The following PLEKHA4 variants were observed in gnomAD, a reference collection of about 807,000 sequenced individuals.
PLEKHA4 encodes pleckstrin homology domain-containing family A member 4.
In PLEKHA4, 73 loss-of-function variants were observed where a neutral mutation model predicts 94.7. The ratio of observed to expected loss-of-function variants is 0.77; its 90% CI spans 0.64 to 0.94. PLEKHA4 has a LOEUF of 0.94. Ranked by LOEUF, PLEKHA4 falls within the 40% of genes least tolerant of loss-of-function variation. The probability of loss-of-function intolerance (pLI) is 0.00; values close to 1 mark genes in which losing one functional copy is unlikely to be tolerated. For synonymous variants in PLEKHA4, 449 were observed against 437.1 expected (o/e 1.03, Z -0.34); for missense variants, 1,049 against 1,054.1 (o/e 1.00, Z 0.07).
At chr19:48,842,281 T>C (rs1222264385) in intron 16 of PLEKHA4, among the ~76,000 whole-genome samples, 1 of 152,066 alleles carries the variant, frequency 6.6e-6, no homozygotes, top group South Asian at 2.1e-4. Context: ...GTAGCTGGGA[T>C]TGAGTAGGTG....
intron 2 of PLEKHA4, among the ~76,000 whole-genome samples, chr19:48,866,803 G>A (rs1371699493): frequency 1.3e-5 from 2 of 152,158 alleles, no homozygotes; most frequent in Non-Finnish European, 1.5e-5. Flanking sequence ...GAACTCTCAC[G>A]CTGAGTCTCC....
chr19:48,861,795 G>A (rs574626014), intron 3 of PLEKHA4, 103 bp from the exon 4 acceptor site: 30 of 1,038,362 alleles, frequency 2.9e-5, no homozygotes, highest in Non-Finnish European at 4.3e-5. Context: ...AAAGAAACTT[G>A]GAGAGAGGAG....
chr19:48,837,307 CAG>C lies in PLEKHA4; in HGVS notation c.2320_2321del (p.Leu774AlafsTer68), dbSNP rs1191702482. On this transcript the variant is annotated frameshift_variant, in exon 20 of 20. Transcript: ENST00000263265. LOFTEE classifies it high-confidence loss of function. This position sits in a 1 kb window ranked among gnomAD's most constrained non-coding sequence, Gnocchi z 4.3. ...DEGAWPLRVT[L>X]LQSSF ...GGGCGGATTAGAAGCTGGATTGTAG[CAG>C]AGTGACTCGCAGAGGCCATGCCCCC... The C allele has an allele frequency of 3.7e-6, 6 of 1,613,874 alleles. No homozygotes were observed. The highest frequency in any genetic ancestry group is 5.1e-6 in the Non-Finnish European group (6 of 1,180,024).
chr19:48,837,492 G>T lies in PLEKHA4; in HGVS notation c.2137C>A (p.Pro713Thr), dbSNP rs747455662. The change falls in exon 20 of 20, where the codon CCC (proline) becomes ACC (threonine). Residue 713 changes from proline to threonine, a missense_variant. Transcript: ENST00000263265. The surrounding 1 kb of genome is among the most constrained non-coding windows in gnomAD (Gnocchi z 4.3). ...LPGVPLPPSD[P>T]TRQETPPPRS... is the part of the protein sequence containing the mutation. ...GGGGGAGGGGTCTCCTGGCGCGTGG[G>T]GTCCGAAGGAGGCAGCGGCACACCG... 6 of 1,612,870 alleles carry T rather than the reference G, an allele frequency of 3.7e-6. No homozygotes were observed. Among genetic ancestry groups the T allele is most frequent in the South Asian group, 2.2e-5 (2 of 91,044 alleles).
In PLEKHA4 at chr19:48,867,587, G is replaced by T; in HGVS notation, c.34C>A (p.Leu12Met). ...EGSRPRSSLS[L>M]ASSASTISSL... ...GAGATGGTGGAGGCGCTGCTGGCCA[G>T]GCTCAGGCTGCTGCGAGGTCGGCTC... The change falls in exon 2 of 20, where the codon CTG becomes ATG. Residue 12 changes from leucine to methionine, a missense_variant. Transcript: ENST00000263265. The surrounding 1 kb of genome is among the most constrained non-coding windows in gnomAD (Gnocchi z 4.7). 2 of 1,602,590 alleles carry T rather than the reference G, an allele frequency of 1.2e-6. No homozygotes were observed. The highest frequency in any genetic ancestry group is 8.5e-7 in the Non-Finnish European group (1 of 1,176,568).
chr19:48,843,833 T>C (rs1039971557), intron 16 of PLEKHA4, among the ~76,000 whole-genome samples: 5 of 151,728 alleles, frequency 3.3e-5, no homozygotes, highest in Admixed American at 1.3e-4. Flanking sequence ...AATTTTTGTA[T>C]TTTTAGTAGA....
Position 48,858,654 on chromosome 19 carries a change from G to A in PLEKHA4, c.972+206C>T, listed in dbSNP as rs931898349. 4.7e-5 allele frequency among the ~76,000 whole-genome samples: 5 copies of A among 107,042 alleles called. No homozygotes were observed. The East Asian group carries it at 8.8e-4, about 19-fold the overall frequency. 70.2% of individuals were successfully genotyped at this position (107,042 alleles called of 152,430 possible). Reference sequence around the variant, plus strand: ...AAAAAAAAAAAAAAAAGCAATGGCCGAAGACCAGCCTAGAAAGACAGCCCA... The same window carrying A: ...AAAAAAAAAAAAAAAAGCAATGGCCAAAGACCAGCCTAGAAAGACAGCCCA... On this transcript the variant is annotated intron_variant, in intron 8 of 19. Coordinates refer to ENST00000263265, the MANE Select transcript of PLEKHA4 (RefSeq NM_020904.3).
Position 48,867,134 on chromosome 19 carries a change from T to C in PLEKHA4, c.84+403A>G, listed in dbSNP as rs1255585037. On this transcript the variant is annotated intron_variant, in intron 2 of 19. Transcript: ENST00000263265. This position sits in a 1 kb window ranked among gnomAD's most constrained non-coding sequence, Gnocchi z 4.7. The stretch of plus-strand genomic sequence containing the variant: ...TGGGATGCAAGTATCTGGAGGCCCC[T>C]TGGGTCTTATTGTCAGAGAAGGGTC... Among the ~76,000 whole-genome samples the C allele has an allele frequency of 6.6e-6, 1 of 152,144 alleles. No homozygotes were observed. The highest frequency in any genetic ancestry group is 6.6e-5 in the Admixed American group (1 of 15,266).
At chr19:48,865,460 G>T in intron 3 of PLEKHA4, 43 bp downstream of exon 3, 1 of 1,484,860 alleles carries the variant, frequency 6.7e-7, no homozygotes, top group Non-Finnish European at 9.4e-7. Context: ...GGACAGCCGG[G>T]GCACAGACTT....
In PLEKHA4 at chr19:48,865,604, T is replaced by C; in HGVS notation, c.91A>G (p.Thr31Ala). 6.2e-7 allele frequency: 1 copy of C among 1,612,200 alleles called. No homozygotes were observed. The highest frequency in any genetic ancestry group is 8.5e-7 in the Non-Finnish European group (1 of 1,178,574). ...SLSSLSPKKPTRAVNKIHAFG... is the reference protein window; with the variant it reads ...SLSSLSPKKPARAVNKIHAFG... The stretch of plus-strand genomic sequence containing the variant: ...GCGTGGATCTTGTTTACTGCCCGGG[T>C]GGGCTTCTGAGGAGAGAAGGGGACA... Residue 31 changes from threonine to alanine, a missense_variant, in exon 3 of 20, where the codon ACC becomes GCC. By Grantham distance (58) the Thr-to-Ala change is moderately conservative. Transcript: ENST00000263265.
intron 18 of PLEKHA4, among the ~76,000 whole-genome samples, chr19:48,838,841 G>A (rs1029498205): frequency 6.6e-6 from 1 of 151,598 alleles, no homozygotes; most frequent in Non-Finnish European, 1.5e-5. Flanking sequence ...CCCGGGTACC[G>A]CACGTGCCTT....
chr19:48,856,949 G>GAA (rs2036443831), intron 9 of PLEKHA4, among the ~76,000 whole-genome samples: 1 of 141,044 alleles, frequency 7.1e-6, no homozygotes, highest in Non-Finnish European at 1.5e-5. Context: ...GAAAAAGAAA[G>GAA]AGAAAGAAAG....
chr19:48,856,704 C>T (rs879308429), intron 9 of PLEKHA4, among the ~76,000 whole-genome samples: 3 of 125,648 alleles, frequency 2.4e-5, no homozygotes, highest in Non-Finnish European at 1.7e-5. Context: ...GGCGACAGAG[C>T]GAGACTCTGT....
At chr19:48,845,188 C>T (rs1242202683) in intron 16 of PLEKHA4, 182 bp downstream of exon 16, 1 of 613,648 alleles carries the variant, frequency 1.6e-6, no homozygotes, top group East Asian at 2.9e-5. Context: ...GGTTTAATAA[C>T]TGACCCAAAG....
At chr19:48,858,627 CAA>C (rs56663437) in intron 8 of PLEKHA4, among the ~76,000 whole-genome samples, 22 of 63,406 alleles carry the variant, frequency 3.5e-4, no homozygotes, top group Non-Finnish European at 2.2e-4. Context: ...ACCTCAGTCT[CAA>C]AAAAAAAAAA....
intron 16 of PLEKHA4, among the ~76,000 whole-genome samples, chr19:48,843,174 TA>T (rs988722360): frequency 6.6e-5 from 10 of 151,964 alleles, no homozygotes; most frequent in African/African-American, 2.2e-4. Flanking sequence ...TAAATTATTT[TA>T]TTTTATTTTA....
At chr19:48,857,679 T>C (rs1187747081) in intron 8 of PLEKHA4, among the ~76,000 whole-genome samples, 183 bp from the exon 9 acceptor site, 1 of 151,470 alleles carries the variant, frequency 6.6e-6, no homozygotes, top group Non-Finnish European at 1.5e-5. Context: ...TTAAGGGCAG[T>C]GCAAGATGTG....
rs902025429 is a variant in PLEKHA4 at position 48,852,906 on chromosome 19, C to T, written c.1327-580G>A. On this transcript the variant is annotated intron_variant, in intron 12 of 19. Coordinates refer to ENST00000263265, the MANE Select transcript of PLEKHA4 (RefSeq NM_020904.3). ...CTGGATCCAGGCGCTGCACTCCAGC[C>T]TGAGCAACAGAGCAAGAATCCGTCT... 3.9e-5 allele frequency among the ~76,000 whole-genome samples: 6 copies of T among 152,028 alleles called. No homozygotes were observed. In the East Asian group the frequency reaches 1.2e-3, roughly 29 times the overall value.
Position 48,857,509 on chromosome 19 carries a change from T to A in PLEKHA4, c.973-13A>T. On this transcript the variant is annotated splice_polypyrimidine_tract_variant and intron_variant, in intron 8 of 19. Coordinates refer to ENST00000263265, the MANE Select transcript of PLEKHA4 (RefSeq NM_020904.3). ...AGCCAGAGTGTGCCTGGGAGGAACGTTGAAATGGAGATGTTTAGAAACTGG... is the reference window on the plus strand; with the variant it reads ...AGCCAGAGTGTGCCTGGGAGGAACGATGAAATGGAGATGTTTAGAAACTGG... The A allele has an allele frequency of 6.6e-7, 1 of 1,505,734 alleles. No individual in the cohort carries two copies. Among genetic ancestry groups the A allele is most frequent in the Non-Finnish European group, 9.1e-7 (1 of 1,098,392 alleles). The allele number at this position is 1,505,734 out of a possible 1,614,324, so 93.3% of individuals were successfully genotyped here.
Sources: gnomAD v4.1 joint callset for allele counts (sites outside exome capture counted in the v4.1 genomes callset) on GRCh38, gnomAD v4.1.1 for gene constraint, Gnocchi (gnomAD v3.1) non-coding constraint, MANE v1.5 for transcripts, NCBI Gene and HGNC (gene_info 2026-07-23, HGNC 2026-07-21) for gene names.